The following C1RL variants were observed in gnomAD, a reference collection of about 807,000 sequenced individuals.
C1RL encodes the protein complement C1r subcomponent like.
A neutral mutation model predicts 27.9 loss-of-function variants in C1RL; 27 were observed. That is an observed-to-expected ratio of 0.97 (90% confidence interval 0.71 to 1.33). The LOEUF (loss-of-function observed/expected upper bound fraction) is 1.33, where lower values mean the gene tolerates loss of function less well. Ranked by LOEUF, C1RL falls within the 40% of genes most tolerant of loss-of-function variation. The pLI is 0.00. For synonymous variants in C1RL, 248 were observed against 252.1 expected (o/e 0.98, Z 0.15); for missense variants, 563 against 623.9 (o/e 0.90, Z 1.04).
At chr12:7,102,786 G>C (rs1042540900) in intron 2 of C1RL, among the ~76,000 whole-genome samples, 3 of 152,176 alleles carry the variant, frequency 2.0e-5, no homozygotes, top group African/African-American at 7.2e-5. Flanking sequence ...GCTTCATCGG[G>C]CAGCTTGTCT....
intron 2 of C1RL, 86 bp downstream of exon 2, chr12:7,108,165 G>C (rs1266049995): frequency 9.1e-7 from 1 of 1,093,216 alleles, no homozygotes; most frequent in East Asian, 2.8e-5. Context: ...CCTCCAGATG[G>C]GGGATTCAGG....
intron 3 of C1RL, chr12:7,101,625 C>T (rs999100239): frequency 4.0e-6 from 2 of 502,668 alleles, no homozygotes; most frequent in East Asian, 2.9e-5. Context: ...TATAATTTTA[C>T]TTAAAAATCT....
At chr12:7,098,767 T>C (rs752640049) in intron 5 of C1RL, among the ~76,000 whole-genome samples, 1 of 152,154 alleles carries the variant, frequency 6.6e-6, no homozygotes, top group Non-Finnish European at 1.5e-5. Context: ...TCCATAGAGA[T>C]AGAAGATTAG....
chr12:7,102,102 A>C lies in C1RL; in HGVS notation c.301-15T>G. The C allele has an allele frequency of 6.3e-7, 1 of 1,598,940 alleles. No homozygotes were observed. Among genetic ancestry groups the C allele is most frequent in the Non-Finnish European group, 8.6e-7 (1 of 1,167,962 alleles). ...ACGAATGAGATCTGAAAGCGGGAGG[A>C]GGAGTGAGGCTGCAGATAGGTGTGG... On this transcript the variant is annotated splice_polypyrimidine_tract_variant and intron_variant, in intron 2 of 5. Coordinates refer to ENST00000266542, the MANE Select transcript of C1RL (RefSeq NM_016546.4).
intron 2 of C1RL, among the ~76,000 whole-genome samples, chr12:7,102,885 T>A (rs1353142037): frequency 6.6e-6 from 1 of 152,210 alleles, no homozygotes; most frequent in African/African-American, 2.4e-5. Flanking sequence ...TGCTTCCTGC[T>A]TCATCTCTGT....
chr12:7,108,833 G>A, intron 1 of C1RL: 1 of 557,080 alleles, frequency 1.8e-6, no homozygotes, highest in Non-Finnish European at 3.2e-6. Context: ...GGTGGGGCGA[G>A]TGAGGGTCTG....
rs768856368 is a variant in C1RL at position 7,096,218 on chromosome 12, C to A, written c.*173G>T. 1 of 1,384,286 alleles carries A rather than the reference C, an allele frequency of 7.2e-7. No individual in the cohort carries two copies. Among genetic ancestry groups the A allele is most frequent in the Non-Finnish European group, 9.3e-7 (1 of 1,072,222 alleles). The allele number at this position is 1,384,286 out of a possible 1,614,324, so 85.8% of individuals were successfully genotyped here. On this transcript the variant is annotated 3_prime_UTR_variant, in exon 6 of 6. Transcript: ENST00000266542. ...CCTGTCTGGGATGGGGCGGGCTTGC[C>A]GGGTGGGGGTTTCTCTTGCAGTGGC...
rs894052018 is a variant in C1RL at position 7,104,607 on chromosome 12, G to A, written c.301-2520C>T. ...TGAGTGAGTATGAGTGTGTGAGTGCGTCCTGAAACAGGATGGTGTCCTGTC... is the reference window on the plus strand; with the variant it reads ...TGAGTGAGTATGAGTGTGTGAGTGCATCCTGAAACAGGATGGTGTCCTGTC... On this transcript the variant is annotated intron_variant, in intron 2 of 5. Coordinates refer to ENST00000266542, the MANE Select transcript of C1RL (RefSeq NM_016546.4). The surrounding 1 kb of genome is among the most constrained non-coding windows in gnomAD (Gnocchi z 5.4). 2.6e-5 allele frequency among the ~76,000 whole-genome samples: 4 copies of A among 152,156 alleles called. No homozygotes were observed. Among genetic ancestry groups the A allele is most frequent in the Admixed American group, 1.3e-4 (2 of 15,284 alleles).
chr12:7,097,995 C>T (rs762644734), intron 5 of C1RL, among the ~76,000 whole-genome samples: 1 of 152,116 alleles, frequency 6.6e-6, no homozygotes, highest in Non-Finnish European at 1.5e-5. Context: ...CGGCCGGGCG[C>T]GGTGGCTCAC....
chr12:7,099,368 G>T lies in C1RL; in HGVS notation c.691+318C>A, dbSNP rs1019051895. ...GAGATATTTTAGGAATAGAGAGCCT[G>T]TCGGTATATCCTTAAAATGTATGGC... On this transcript the variant is annotated intron_variant, in intron 5 of 5. Transcript: ENST00000266542. 3.0e-5 allele frequency: 19 copies of T among 625,528 alleles called. No homozygotes were observed. In the African/African-American group the frequency reaches 3.4e-4, roughly 11 times the overall value. 38.7% of individuals were successfully genotyped at this position (625,528 alleles called of 1,614,324 possible).
rs1488149072 is a variant in C1RL at position 7,095,493 on chromosome 12, T to G, written c.*898A>C. ...GTTCCCCTGATGATAGGGGCACAGG[T>G]GGGGTGTCTGCAAGAACTTCAGTCC... On this transcript the variant is annotated 3_prime_UTR_variant, in exon 6 of 6. Coordinates refer to ENST00000266542, the MANE Select transcript of C1RL (RefSeq NM_016546.4). 1.0e-6 allele frequency: 1 copy of G among 988,674 alleles called. No individual in the cohort carries two copies. Among genetic ancestry groups the G allele is most frequent in the African/African-American group, 1.7e-5 (1 of 57,226 alleles). 61.2% of individuals were successfully genotyped at this position (988,674 alleles called of 1,614,324 possible).
chr12:7,095,401 A>G lies in C1RL; in HGVS notation c.*990T>C, dbSNP rs1241254089. 9.9e-7 allele frequency: 1 copy of G among 1,007,414 alleles called. No homozygotes were observed. Among genetic ancestry groups the G allele is most frequent in the Non-Finnish European group, 1.2e-6 (1 of 841,968 alleles). 62.4% of individuals were successfully genotyped at this position (1,007,414 alleles called of 1,614,324 possible). ...GGTGTTGGGATTACAGGCGTGAGCC[A>G]CTGCGCCCGGCCCATCACCTCCAGG... On this transcript the variant is annotated 3_prime_UTR_variant, in exon 6 of 6. Coordinates refer to ENST00000266542, the MANE Select transcript of C1RL (RefSeq NM_016546.4).
At position 7,094,941 on chromosome 12, in the gene C1RL, A is replaced by T. The variant is rs1938384724; in HGVS notation, c.*1450T>A. On this transcript the variant is annotated 3_prime_UTR_variant, in exon 6 of 6. Coordinates refer to ENST00000266542, the MANE Select transcript of C1RL (RefSeq NM_016546.4). ...GGGTGTAAAAAACAGAAGTAATCAC[A>T]TGTATGTACAACTTTGAATCCTGCC... 2.1e-5 allele frequency: 23 copies of T among 1,096,710 alleles called. No individual in the cohort carries two copies. The South Asian group carries it at 3.9e-4, about 19-fold the overall frequency. 67.9% of individuals were successfully genotyped at this position (1,096,710 alleles called of 1,614,324 possible).
chr12:7,096,683 T>C lies in C1RL; in HGVS notation c.1172A>G (p.Tyr391Cys). 1 of 1,614,016 alleles carries C rather than the reference T, an allele frequency of 6.2e-7. No individual in the cohort carries two copies. Among genetic ancestry groups the C allele is most frequent in the Non-Finnish European group, 8.5e-7 (1 of 1,180,004 alleles). ...CCTGGGAGCTACAGGCAGCCTCGAG[T>C]ACTTCAGCTCAGTAGTTAGCCAGCC... ...EMGWLTTELK[Y>C]SRLPVAPREA... The change falls in exon 6 of 6, where the codon TAC (tyrosine) becomes TGC (cysteine). Residue 391 changes from tyrosine to cysteine, a missense_variant. Physicochemically the swap from Tyr to Cys is radical, Grantham distance 194. Transcript: ENST00000266542.
chr12:7,101,887 G>C lies in C1RL; in HGVS notation c.490+11C>G, dbSNP rs1273379877. On this transcript the variant is annotated intron_variant, in intron 3 of 5. Coordinates refer to ENST00000266542, the MANE Select transcript of C1RL (RefSeq NM_016546.4). ...AGGCTCCCTCCCTGCACCCCCAGGA[G>C]GGACACTCACCCACGGTTTGGTAGA... is the stretch of plus-strand genomic sequence containing the variant. 1 of 1,613,760 alleles carries C rather than the reference G, an allele frequency of 6.2e-7. No individual in the cohort carries two copies. The highest frequency in any genetic ancestry group is 8.5e-7 in the Non-Finnish European group (1 of 1,179,694).
rs1938409615 is a variant in C1RL at position 7,095,860 on chromosome 12, C to A, written c.*531G>T. 1.1e-6 allele frequency: 1 copy of A among 885,872 alleles called. No homozygotes were observed. Among genetic ancestry groups the A allele is most frequent in the Non-Finnish European group, 1.4e-6 (1 of 739,332 alleles). The allele number at this position is 885,872 out of a possible 1,614,324, so 54.9% of individuals were successfully genotyped here. A position where few individuals can be genotyped will look rare whatever the true frequency, so the allele number is the denominator to read the frequency against. On this transcript the variant is annotated 3_prime_UTR_variant, in exon 6 of 6. Transcript: ENST00000266542. ...GTGAAATAACAGGTGAAGCACCTGG[C>A]ATATAGAGGACATAAAATAAAAAAG...
Position 7,094,982 on chromosome 12 carries a change from A to C in C1RL, c.*1409T>G, listed in dbSNP as rs1030240632. ...GAATCCTGCCATTTTTTAGAGATAA[A>C]TTTAACCTTTGACCATATAGCAACT... is the stretch of plus-strand genomic sequence containing the variant. On this transcript the variant is annotated 3_prime_UTR_variant, in exon 6 of 6. Transcript: ENST00000266542. 2.5e-5 allele frequency: 28 copies of C among 1,106,918 alleles called. No individual in the cohort carries two copies. Among genetic ancestry groups the C allele is most frequent in the Non-Finnish European group, 3.1e-5 (28 of 899,962 alleles). 68.6% of individuals were successfully genotyped at this position (1,106,918 alleles called of 1,614,324 possible). A position where few individuals can be genotyped will look rare whatever the true frequency, so the allele number is the denominator to read the frequency against.
intron 2 of C1RL, among the ~76,000 whole-genome samples, chr12:7,102,671 G>T (rs192848181): frequency 1.0e-3 from 159 of 152,216 alleles, no homozygotes; most frequent in African/African-American, 3.7e-3. Context: ...TCCTTCTTTT[G>T]GGGTGCCCCT....
rs772028280 is a variant in C1RL, at chr12:7,108,048, G to T, written c.300+203C>A. 22 of 463,662 alleles carry T rather than the reference G, an allele frequency of 4.7e-5. No individual in the cohort carries two copies. The Admixed American group carries it at 7.9e-4, about 17-fold the overall frequency. The allele number at this position is 463,662 out of a possible 1,614,324, so 28.7% of individuals were successfully genotyped here. A position where few individuals can be genotyped will look rare whatever the true frequency, so the allele number is the denominator to read the frequency against. ...CTTGCTGCCCTCTTTGCTCTGTGGG[G>T]CCCAGATGGCAGCCCCGGAGGCGCT... On this transcript the variant is annotated intron_variant, in intron 2 of 5. Transcript: ENST00000266542.
Sources: allele counts gnomAD v4.1 joint callset (sites outside exome capture counted in the v4.1 genomes callset), GRCh38; gene constraint gnomAD v4.1.1; non-coding constraint Gnocchi (gnomAD v3.1); transcripts MANE v1.5; gene names NCBI Gene and HGNC (gene_info 2026-07-23, HGNC 2026-07-21).